LRCH3: variants seen among roughly 807,000 people sequenced by gnomAD.
LRCH3 encodes the protein leucine rich repeats and calponin homology domain containing 3, also known as DISP complex protein LRCH3.
A neutral mutation model predicts 104.5 loss-of-function variants in LRCH3; 68 were observed. The ratio of observed to expected loss-of-function variants is 0.65; its 90% CI spans 0.54 to 0.80. The LOEUF is 0.80. LRCH3 is among the 30% of genes least tolerant of loss of function. LRCH3 has a pLI of 0.00. For missense variants in LRCH3, 951 were observed against 953.9 expected (o/e 1.00, Z 0.04); for synonymous variants, 344 against 361.3 (o/e 0.95, Z 0.54).
intron 15 of LRCH3, among the ~76,000 whole-genome samples, chr3:197,864,879 G>C (rs896153123): frequency 2.0e-5 from 3 of 151,406 alleles, no homozygotes; most frequent in African/African-American, 7.3e-5. Context: ...AAATTAACTG[G>C]GCATGGTGAT....
rs546557956 is a variant in LRCH3, at chr3:197,878,240, G to A, written c.2208+2465G>A. 3.9e-5 allele frequency among the ~76,000 whole-genome samples: 6 copies of A among 152,318 alleles called. No individual in the cohort carries two copies. The South Asian group carries it at 1.2e-3, about 32-fold the overall frequency. Reference sequence around the variant, plus strand: ...TGAAAGGTCTAAGCCTGTCCGCGGGGCTTTCGGAAGCATCCTCTGAGGGTC... The same window carrying A: ...TGAAAGGTCTAAGCCTGTCCGCGGGACTTTCGGAAGCATCCTCTGAGGGTC... On this transcript the variant is annotated intron_variant, in intron 20 of 20. Coordinates refer to ENST00000425562, the MANE Select transcript of LRCH3 (RefSeq NM_001365715.1).
In LRCH3 at chr3:197,833,222, G is replaced by A. The variant is rs1736197264; in HGVS notation, c.1102+905G>A. Among the ~76,000 whole-genome samples the A allele has an allele frequency of 2.6e-5, 4 of 152,000 alleles. No homozygotes were observed. The South Asian group carries it at 8.3e-4, about 31-fold the overall frequency. ...CACATGTGATAATTATTGAGTATTT[G>A]AAATGTGTTTTTTTAGGCTGGGCGT... On this transcript the variant is annotated intron_variant, in intron 8 of 20. Coordinates refer to ENST00000425562, the MANE Select transcript of LRCH3 (RefSeq NM_001365715.1).
chr3:197,869,551 G>A (rs868374653), intron 17 of LRCH3, among the ~76,000 whole-genome samples: 1 of 134,440 alleles, frequency 7.4e-6, no homozygotes, highest in Non-Finnish European at 1.6e-5. Context: ...GGTAGAAAGC[G>A]ATGCACTGTA....
chr3:197,830,765 G>GGCA lies in LRCH3; in HGVS notation c.888-2_888dup. The GGCA allele has an allele frequency of 1.9e-6, 3 of 1,608,718 alleles. No individual in the cohort carries two copies. The highest frequency in any genetic ancestry group is 2.5e-6 in the Non-Finnish European group (3 of 1,176,992). ...CTTTGCAGTAACAGAGTCTCTTTTCGGCAGCCATGAAGAACTGTACTCAAG... is the reference window on the plus strand; with the variant it reads ...CTTTGCAGTAACAGAGTCTCTTTTCGGCAGCAGCCATGAAGAACTGTACTCAAG... On this transcript the variant is annotated splice_region_variant and splice_polypyrimidine_tract_variant and intron_variant, in intron 6 of 20. Transcript: ENST00000425562.
At chr3:197,861,889 T>C (rs1233956009) in intron 15 of LRCH3, among the ~76,000 whole-genome samples, 3 of 152,210 alleles carry the variant, frequency 2.0e-5, no homozygotes, top group Non-Finnish European at 4.4e-5. Context: ...TCACTTAGAT[T>C]TATAGCTTTA....
chr3:197,866,796 T>G (rs1044917214), intron 17 of LRCH3, among the ~76,000 whole-genome samples: 3 of 152,030 alleles, frequency 2.0e-5, no homozygotes, highest in Admixed American at 6.6e-5. Flanking sequence ...GTTCTCCAGC[T>G]TGGCCAACAG....
intron 1 of LRCH3, among the ~76,000 whole-genome samples, chr3:197,805,372 A>C (rs1284572079): frequency 1.3e-5 from 2 of 152,192 alleles, no homozygotes; most frequent in Non-Finnish European, 2.9e-5. Flanking sequence ...AAAATCAAGG[A>C]GGCTTTTTCT....
intron 1 of LRCH3, among the ~76,000 whole-genome samples, chr3:197,809,058 G>A (rs1425627265): frequency 2.0e-5 from 3 of 151,906 alleles, no homozygotes; most frequent in Non-Finnish European, 4.4e-5. Flanking sequence ...AGCAGTTTGG[G>A]AGGCCATGGC....
Position 197,795,211 on chromosome 3 carries a change from A to G in LRCH3, c.262+3671A>G, listed in dbSNP as rs368655540. Among the ~76,000 whole-genome samples the G allele has an allele frequency of 9.2e-5, 14 of 152,254 alleles. No individual in the cohort carries two copies. The East Asian group carries it at 9.7e-4, about 10-fold the overall frequency. On this transcript the variant is annotated intron_variant, in intron 1 of 20. Transcript: ENST00000425562. ...GGTGGACAGCACGCAAAAAATGTTA[A>G]GAGTATAAGGGACATCAGTTAATTT...
intron 17 of LRCH3, among the ~76,000 whole-genome samples, chr3:197,868,619 T>C (rs1045002498): frequency 6.6e-6 from 1 of 152,204 alleles, no homozygotes; most frequent in Non-Finnish European, 1.5e-5. Context: ...GATAAATGAA[T>C]TGTGGTATAT....
chr3:197,847,930 G>A lies in LRCH3; in HGVS notation c.1439G>A (p.Arg480Gln), dbSNP rs377501461. The A allele has an allele frequency of 2.1e-5, 34 of 1,613,924 alleles. No individual in the cohort carries two copies. The highest frequency in any genetic ancestry group is 1.3e-4 in the Admixed American group (8 of 59,998). Residue 480 changes from arginine to glutamine, a missense_variant, in exon 12 of 21, where the codon CGG becomes CAG. Transcript: ENST00000425562. ...QRREQLVERTRREAQLAALQY... is the reference protein window; with the variant it reads ...QRREQLVERTQREAQLAALQY... The stretch of plus-strand genomic sequence containing the variant: ...AGGGAGCAGTTAGTAGAGCGCACTC[G>A]GAGAGAGGCTCAGCTTGCTGCCCTG...
intron 14 of LRCH3, among the ~76,000 whole-genome samples, chr3:197,858,398 C>T (rs1740518185): frequency 6.6e-6 from 1 of 152,008 alleles, no homozygotes; most frequent in South Asian, 2.1e-4. Flanking sequence ...GATGCAGAAT[C>T]CTCATGTCCT....
intron 4 of LRCH3, among the ~76,000 whole-genome samples, chr3:197,825,823 G>A (rs1252492862): frequency 1.3e-5 from 2 of 151,920 alleles, no homozygotes; most frequent in East Asian, 1.9e-4. Context: ...GTCATTTTGT[G>A]TTACCTTATG....
intron 1 of LRCH3, among the ~76,000 whole-genome samples, chr3:197,801,931 G>A (rs747414393): frequency 6.6e-5 from 10 of 152,096 alleles, no homozygotes; most frequent in Non-Finnish European, 1.3e-4. Context: ...CAGTCTTTGT[G>A]GTTATAAAAC....
intron 4 of LRCH3, among the ~76,000 whole-genome samples, chr3:197,820,881 T>A (rs1734422859): frequency 6.6e-6 from 1 of 152,042 alleles, no homozygotes; most frequent in South Asian, 2.1e-4. Context: ...TGAGAGAGTA[T>A]GTGTGTGTTA....
chr3:197,866,113 T>TC lies in LRCH3; in HGVS notation c.1768dup (p.His590ProfsTer21). The TC allele has an allele frequency of 6.2e-7, 1 of 1,607,540 alleles. No individual in the cohort carries two copies. The highest frequency in any genetic ancestry group is 8.5e-7 in the Non-Finnish European group (1 of 1,174,008). On this transcript the variant is annotated frameshift_variant and splice_region_variant, in exon 17 of 21. Transcript: ENST00000425562. LOFTEE classifies it high-confidence loss of function. ...ATTTTATTTTTCATGCTAATTTAGTTCATCATTCCCCTGCATATTCTTTTC... is the reference window on the plus strand; with the variant it reads ...ATTTTATTTTTCATGCTAATTTAGTTCCATCATTCCCCTGCATATTCTTTTC...
rs144128847 is a variant in LRCH3 at position 197,850,055 on chromosome 3, G to A, written c.1530+2034G>A. On this transcript the variant is annotated intron_variant, in intron 12 of 20. Coordinates refer to ENST00000425562, the MANE Select transcript of LRCH3 (RefSeq NM_001365715.1). ...TGAGTAGGTAGGATTTAGCCAGGAA[G>A]AAAAGACTGGATGATGGTGTAAAGG... is the stretch of plus-strand genomic sequence containing the variant. 5.0e-3 allele frequency among the ~76,000 whole-genome samples: 755 copies of A among 152,292 alleles called. 7 individuals are homozygous for A. The highest frequency in any genetic ancestry group is 0.017 in the African/African-American group (719 of 41,566).
chr3:197,838,772 A>AT (rs1369506450), intron 9 of LRCH3, among the ~76,000 whole-genome samples: 1 of 152,200 alleles, frequency 6.6e-6, no homozygotes, highest in African/African-American at 2.4e-5. Flanking sequence ...TAAATACGGT[A>AT]TTTTACCATA....
intron 4 of LRCH3, among the ~76,000 whole-genome samples, chr3:197,825,038 A>G (rs1246343407): frequency 3.3e-5 from 5 of 152,180 alleles, no homozygotes; most frequent in Admixed American, 6.5e-5. Flanking sequence ...TCTTTATTCT[A>G]TGTTCCCCCT....
Sources: allele counts gnomAD v4.1 joint callset (sites outside exome capture counted in the v4.1 genomes callset), GRCh38; gene constraint gnomAD v4.1.1; transcripts MANE v1.5; gene names NCBI Gene and HGNC (gene_info 2026-07-23, HGNC 2026-07-21).